Variants in GSE1 observed in about 807,000 individuals in gnomAD.
GSE1 encodes the protein Gse1 coiled-coil protein.
In GSE1, 32 loss-of-function variants were observed where a neutral mutation model predicts 112.6. The observed-to-expected ratio is 0.28, with a 90% CI of 0.21 to 0.38. The LOEUF (loss-of-function observed/expected upper bound fraction) is 0.38, where lower values mean the gene tolerates loss of function less well. Ranked by LOEUF, GSE1 falls within the 10% of genes least tolerant of loss-of-function variation. GSE1 has a pLI of 1.00. For synonymous variants in GSE1, 1,115 were observed against 735.6 expected (o/e 1.52, Z -8.35); for missense variants, 2,348 against 1,699.2 (o/e 1.38, Z -6.71).
rs866468790 is a variant in GSE1 at position 85,409,260 on chromosome 16, C to A, written c.2464+51617C>A. On this transcript the variant is annotated intron_variant, in intron 2 of 2. Transcript: ENST00000637419. The stretch of plus-strand genomic sequence containing the variant: ...TCTCAGGCCCCCCGGATAATCCTCA[C>A]TGTTGCACTCAGGGTCCCTCTGATA... Among the ~76,000 whole-genome samples, 4 of 41,386 alleles carry A rather than the reference C, an allele frequency of 9.7e-5. 1 individual carries two copies. Among genetic ancestry groups the A allele is most frequent in the Non-Finnish European group, 1.9e-4 (4 of 21,168 alleles). 27.2% of individuals were successfully genotyped at this position (41,386 alleles called of 152,430 possible). A position where few individuals can be genotyped will look rare whatever the true frequency, so the allele number is the denominator to read the frequency against.
At chr16:85,331,683 GTGTATA>G (rs1289329061) in intron 1 of GSE1, among the ~76,000 whole-genome samples, 1,241 of 46,256 alleles carry the variant, frequency 0.027, 96 homozygotes, top group African/African-American at 0.092. Flanking sequence ...GTGTGTGTGT[GTGTATA>G]TATATATATA....
At chr16:85,557,605 T>A (rs1218391268) in intron 1 of GSE1, among the ~76,000 whole-genome samples, 1 of 151,508 alleles carries the variant, frequency 6.6e-6, no homozygotes, top group Non-Finnish European at 1.5e-5. Context: ...ATCCTGTCAC[T>A]TTTGCTGAGG....
intron 2 of GSE1, among the ~76,000 whole-genome samples, chr16:85,466,712 AGGGAGAGAGG>A (rs1267929100): frequency 7.1e-5 from 6 of 85,048 alleles, no homozygotes; most frequent in African/African-American, 4.9e-4. Context: ...AGAGAGAGAG[AGGGAGAGAGG>A]GAGAGAGAGG....
chr16:85,466,471 C>G (rs962006991), intron 2 of GSE1, among the ~76,000 whole-genome samples: 1 of 152,188 alleles, frequency 6.6e-6, no homozygotes, highest in African/African-American at 2.4e-5. Flanking sequence ...GCCCTCCTGG[C>G]GCACACTGGC....
chr16:85,372,085 G>A (rs1424048423), intron 2 of GSE1, among the ~76,000 whole-genome samples: 2 of 152,172 alleles, frequency 1.3e-5, no homozygotes, highest in Non-Finnish European at 2.9e-5. Context: ...GGGTGTAAGC[G>A]GCTTCTCACC....
At chr16:85,201,182 C>T (rs554672274) in intron 1 of GSE1, among the ~76,000 whole-genome samples, 8 of 152,254 alleles carry the variant, frequency 5.3e-5, no homozygotes, top group Admixed American at 5.2e-4. Context: ...AAGTGATCCT[C>T]CCACCTTAGC....
intron 2 of GSE1, among the ~76,000 whole-genome samples, chr16:85,424,046 C>G (rs974911479): frequency 1.3e-5 from 2 of 152,274 alleles, no homozygotes; most frequent in Admixed American, 6.5e-5. Context: ...CCTCCTCCAT[C>G]CATGCCCCAC....
chr16:85,214,799 G>T (rs1290744802), intron 1 of GSE1, among the ~76,000 whole-genome samples: 1 of 152,076 alleles, frequency 6.6e-6, no homozygotes, highest in Non-Finnish European at 1.5e-5. Context: ...ACATAGGTCT[G>T]CAGTGAGTGA....
chr16:85,362,831 C>CTTTTTT (rs67922655), intron 2 of GSE1, among the ~76,000 whole-genome samples: 5 of 103,486 alleles, frequency 4.8e-5, no homozygotes, highest in African/African-American at 3.8e-5. Context: ...TTATTGATAT[C>CTTTTTT]TTTTTTTTTT....
At chr16:85,400,344 G>A (rs554340428) in intron 2 of GSE1, among the ~76,000 whole-genome samples, 59 of 151,156 alleles carry the variant, frequency 3.9e-4, no homozygotes, top group African/African-American at 1.3e-3. Context: ...TGTGTGTGTC[G>A]TGTTTCTGTG....
At chr16:85,379,070 A>G (rs528828254) in intron 2 of GSE1, among the ~76,000 whole-genome samples, 16 of 152,224 alleles carry the variant, frequency 1.1e-4, no homozygotes, top group African/African-American at 3.9e-4. Flanking sequence ...CAGAGCCGCT[A>G]TGACTCTCCC....
At chr16:85,563,189 C>CT (rs80212096) in intron 1 of GSE1, among the ~76,000 whole-genome samples, 18,278 of 140,256 alleles carry the variant, frequency 0.13, 1,559 homozygotes, top group African/African-American at 0.24. Context: ...CCTCCTCTTC[C>CT]TTTTTTTTTT....
At chr16:85,457,895 A>G (rs1404015868) in intron 2 of GSE1, among the ~76,000 whole-genome samples, 1 of 152,220 alleles carries the variant, frequency 6.6e-6, no homozygotes, top group Non-Finnish European at 1.5e-5. Context: ...GGCTTTCCAT[A>G]CACTGCCTCA....
rs2048131410 is a variant in GSE1 at position 85,402,230 on chromosome 16, G to A, written c.2464+44587G>A. On this transcript the variant is annotated intron_variant, in intron 2 of 2. Coordinates refer to the GSE1 transcript ENST00000637419. ...GGCGGGAGGTGAGATAAGCTGGTGGGTACTGAAGCCAGAGCGGCCTGTCCA... is the reference window on the plus strand; with the variant it reads ...GGCGGGAGGTGAGATAAGCTGGTGGATACTGAAGCCAGAGCGGCCTGTCCA... Among the ~76,000 whole-genome samples the A allele has an allele frequency of 3.3e-5, 5 of 152,274 alleles. No individual in the cohort carries two copies. In the South Asian group the frequency reaches 8.3e-4, roughly 25 times the overall value.
At chr16:85,192,056 G>C (rs2074834551) in intron 1 of GSE1, among the ~76,000 whole-genome samples, 1 of 152,228 alleles carries the variant, frequency 6.6e-6, no homozygotes, top group Non-Finnish European at 1.5e-5. Context: ...TAATGAAAAT[G>C]ACCTAAGTTC....
intron 1 of GSE1, among the ~76,000 whole-genome samples, chr16:85,330,673 T>G (rs893431562): frequency 2.6e-5 from 4 of 152,228 alleles, no homozygotes; most frequent in Non-Finnish European, 5.9e-5. Context: ...CATCATTTTT[T>G]GTATGTTTAA....
At chr16:85,278,081 A>G (rs1372213116) in intron 1 of GSE1, among the ~76,000 whole-genome samples, 2 of 152,262 alleles carry the variant, frequency 1.3e-5, no homozygotes, top group African/African-American at 4.8e-5. Flanking sequence ...CCCGCGAGGA[A>G]GGTCACGGGC....
At position 85,661,344 on chromosome 16, in the gene GSE1, G is replaced by A. The variant is rs781651230; in HGVS notation, c.1839G>A (p.Glu613=). 2 of 1,611,970 alleles carry A rather than the reference G, an allele frequency of 1.2e-6. No individual in the cohort carries two copies. The highest frequency in any genetic ancestry group is 2.7e-5 in the African/African-American group (2 of 74,926). ...TGCACAGCCACCCGGCTGCATTTGA[G>A]CCCAGCCGCCAGGCAGCCGTGCCGC... ...HSLHSHPAAF[E]PSRQAAVPLV... Residue 613 remains glutamate (E), a synonymous_variant, in exon 9 of 16, where the codon GAG becomes GAA. Coordinates refer to ENST00000253458, the MANE Select transcript of GSE1 (RefSeq NM_014615.5).
chr16:85,366,287 G>T (rs894127366), intron 2 of GSE1, among the ~76,000 whole-genome samples: 1 of 152,246 alleles, frequency 6.6e-6, no homozygotes, highest in Non-Finnish European at 1.5e-5. Flanking sequence ...GGATTTGGCT[G>T]TGGCTTCTCC....
Sources: gnomAD v4.1 joint callset for allele counts (sites outside exome capture counted in the v4.1 genomes callset) on GRCh38, gnomAD v4.1.1 for gene constraint, MANE v1.5 for transcripts, NCBI Gene and HGNC (gene_info 2026-07-23, HGNC 2026-07-21) for gene names.